Variants in PDLIM5 observed in about 807,000 individuals in gnomAD.
The protein encoded by PDLIM5 is PDZ and LIM domain protein 5.
In PDLIM5, 34 loss-of-function variants were observed where a neutral mutation model predicts 64.2. The ratio of observed to expected loss-of-function variants is 0.53; its 90% CI spans 0.40 to 0.71. The LOEUF is 0.71. Ranked by LOEUF, PDLIM5 falls within the 30% of genes least tolerant of loss-of-function variation. PDLIM5 has a pLI of 0.00. For missense variants in PDLIM5, 683 were observed against 733.6 expected (o/e 0.93, Z 0.80); for synonymous variants, 253 against 269.1 (o/e 0.94, Z 0.59).
intron 2 of PDLIM5, chr4:94,456,905 A>T: frequency 4.8e-6 from 5 of 1,031,188 alleles, no homozygotes; most frequent in Non-Finnish European, 5.8e-6. Context: ...CCCATTGTAT[A>T]TAACTGTGCT....
At chr4:94,643,285 A>G (rs981932211) in intron 9 of PDLIM5, among the ~76,000 whole-genome samples, 1 of 152,204 alleles carries the variant, frequency 6.6e-6, no homozygotes, top group African/African-American at 2.4e-5. Flanking sequence ...ACTAGCTACG[A>G]ATGAATAGGA....
At position 94,666,309 on chromosome 4, in the gene PDLIM5, G is replaced by T; in HGVS notation, c.*2242G>T. 1 of 327,580 alleles carries T rather than the reference G, an allele frequency of 3.1e-6. No individual in the cohort carries two copies. The highest frequency in any genetic ancestry group is 5.5e-6 in the Non-Finnish European group (1 of 181,386). The allele number at this position is 327,580 out of a possible 1,614,324, so 20.3% of individuals were successfully genotyped here. ...TAACTGGGGATAAAAGAATGGCAAG[G>T]GGTGACACAAAGTAGCAAACTGAAT... On this transcript the variant is annotated 3_prime_UTR_variant, in exon 13 of 13. Coordinates refer to ENST00000317968, the MANE Select transcript of PDLIM5 (RefSeq NM_006457.5).
chr4:94,662,709 G>C (rs1419195955), intron 12 of PDLIM5, among the ~76,000 whole-genome samples, 172 bp downstream of exon 12: 1 of 151,432 alleles, frequency 6.6e-6, no homozygotes, highest in Non-Finnish European at 1.5e-5. Context: ...TGGCATTTTT[G>C]AAATTATTTG....
intron 2 of PDLIM5, among the ~76,000 whole-genome samples, chr4:94,486,483 C>A (rs540117769): frequency 6.6e-6 from 1 of 152,102 alleles, no homozygotes; most frequent in Non-Finnish European, 1.5e-5. Context: ...ACTTTTCATC[C>A]CCTTTTTTCT....
chr4:94,648,732 A>C (rs960692914), intron 9 of PDLIM5, among the ~76,000 whole-genome samples: 1 of 152,192 alleles, frequency 6.6e-6, no homozygotes, highest in Non-Finnish European at 1.5e-5. Context: ...TTCCAAGCCC[A>C]CGCAGGTTGT....
intron 8 of PDLIM5, among the ~76,000 whole-genome samples, chr4:94,639,520 T>C (rs1346088656): frequency 6.6e-6 from 1 of 152,130 alleles, no homozygotes; most frequent in African/African-American, 2.4e-5. Flanking sequence ...GCAGGACCTA[T>C]TACTATAAAT....
At chr4:94,609,053 T>TA in intron 7 of PDLIM5, among the ~76,000 whole-genome samples, 1 of 152,298 alleles carries the variant, frequency 6.6e-6, no homozygotes, top group South Asian at 2.1e-4. Flanking sequence ...TCTAATCGTT[T>TA]TTGTAAAGTT....
At chr4:94,614,555 A>G (rs891075249) in intron 7 of PDLIM5, among the ~76,000 whole-genome samples, 2 of 152,212 alleles carry the variant, frequency 1.3e-5, no homozygotes, top group African/African-American at 4.8e-5. Context: ...TTCCATTACA[A>G]CATTAAATGG....
chr4:94,534,273 A>G (rs926796545), intron 3 of PDLIM5, among the ~76,000 whole-genome samples: 3 of 152,214 alleles, frequency 2.0e-5, no homozygotes, highest in Non-Finnish European at 2.9e-5. Flanking sequence ...TCTGAGTAAC[A>G]TATTAAAATC....
intron 2 of PDLIM5, among the ~76,000 whole-genome samples, chr4:94,463,511 G>A (rs1724079554): frequency 6.6e-6 from 1 of 152,090 alleles, no homozygotes; most frequent in African/African-American, 2.4e-5. Flanking sequence ...CATCATAAAG[G>A]ACTTCATTCT....
intron 3 of PDLIM5, among the ~76,000 whole-genome samples, chr4:94,569,176 C>T (rs1282835089): frequency 3.9e-5 from 6 of 152,164 alleles, no homozygotes; most frequent in Non-Finnish European, 7.3e-5. Context: ...ACTGGAAAGC[C>T]ATTTTGCTTG....
chr4:94,633,208 T>A (rs1369412895), intron 8 of PDLIM5, among the ~76,000 whole-genome samples: 1 of 152,170 alleles, frequency 6.6e-6, no homozygotes, highest in East Asian at 1.9e-4. Flanking sequence ...GGAATATTAA[T>A]GAAACATGAT....
intron 8 of PDLIM5, among the ~76,000 whole-genome samples, chr4:94,628,594 G>T (rs989918666): frequency 1.3e-5 from 2 of 150,562 alleles, no homozygotes; most frequent in East Asian, 3.9e-4. Flanking sequence ...AACTTAAACT[G>T]TAGGTACCTT....
chr4:94,587,177 A>G (rs1201294897), intron 7 of PDLIM5: 47 of 1,475,980 alleles, frequency 3.2e-5, no homozygotes, highest in Non-Finnish European at 4.1e-5. Context: ...AATTTGCCTT[A>G]TGAAAAAATA....
chr4:94,519,168 A>T (rs1260671261), intron 2 of PDLIM5, among the ~76,000 whole-genome samples: 1 of 152,164 alleles, frequency 6.6e-6, no homozygotes, highest in African/African-American at 2.4e-5. Context: ...AGAGAAGCAG[A>T]AGGAAGTTTA....
intron 7 of PDLIM5, among the ~76,000 whole-genome samples, chr4:94,609,160 A>G (rs1436783152): frequency 6.6e-6 from 1 of 152,202 alleles, no homozygotes; most frequent in African/African-American, 2.4e-5. Flanking sequence ...CTAAGCTCAC[A>G]TTAACCAGAG....
At chr4:94,609,139 G>A (rs559703879) in intron 7 of PDLIM5, among the ~76,000 whole-genome samples, 95 of 152,208 alleles carry the variant, frequency 6.2e-4, no homozygotes, top group Non-Finnish European at 1.0e-3. Flanking sequence ...AACCCTCACA[G>A]TTTCAGACAT....
At chr4:94,521,933 A>G (rs1729865777) in intron 2 of PDLIM5, among the ~76,000 whole-genome samples, 1 of 152,130 alleles carries the variant, frequency 6.6e-6, no homozygotes, top group Non-Finnish European at 1.5e-5. Context: ...AAAGATGTCA[A>G]ATTTTATTTC....
intron 2 of PDLIM5, among the ~76,000 whole-genome samples, chr4:94,478,898 T>G (rs1437837130): frequency 7.2e-6 from 1 of 138,756 alleles, no homozygotes; most frequent in Non-Finnish European, 1.5e-5. Flanking sequence ...GTGTTTTTTT[T>G]TTTTTTTTTT....
Sources: gnomAD v4.1 joint callset for allele counts (sites outside exome capture counted in the v4.1 genomes callset) on GRCh38, gnomAD v4.1.1 for gene constraint, MANE v1.5 for transcripts, NCBI Gene and HGNC (gene_info 2026-07-23, HGNC 2026-07-21) for gene names.